Variants in SBNO2 observed in about 807,000 individuals in gnomAD.
The protein encoded by SBNO2 is protein strawberry notch homolog 2.
A neutral mutation model predicts 146.3 loss-of-function variants in SBNO2; 89 were observed. The observed-to-expected ratio is 0.61, with a 90% CI of 0.51 to 0.73. SBNO2 has a LOEUF of 0.73. Ranked by LOEUF, SBNO2 falls within the 30% of genes least tolerant of loss-of-function variation. The probability of loss-of-function intolerance (pLI) is 0.00; values close to 1 mark genes in which losing one functional copy is unlikely to be tolerated. For synonymous variants in SBNO2, 1,147 were observed against 892.6 expected, an observed-to-expected ratio of 1.29 and a Z score of -5.08; for missense variants, 2,092 against 2,003.7, an observed-to-expected ratio of 1.04 and a Z score of -0.84.
At position 1,151,225 on chromosome 19, in the gene SBNO2, TC is replaced by T. The variant is rs1279144840; in HGVS notation, c.94-1784del. 3.3e-5 allele frequency among the ~76,000 whole-genome samples: 5 copies of T among 151,974 alleles called. No homozygotes were observed. The East Asian group carries it at 9.7e-4, about 29-fold the overall frequency. On this transcript the variant is annotated intron_variant, in intron 2 of 31. Coordinates refer to ENST00000361757, the MANE Select transcript of SBNO2 (RefSeq NM_014963.3). ...CCCAGCCTCCTCAGATGAGCTGGAGTCCGTCTCAGGCACACACGGCGCCTTG... is the reference window on the plus strand; with the variant it reads ...CCCAGCCTCCTCAGATGAGCTGGAGTCGTCTCAGGCACACACGGCGCCTTG...
intron 4 of SBNO2, among the ~76,000 whole-genome samples, chr19:1,142,155 A>ACCCTCACTCAATGACCTCCC (rs1568608854): frequency 1.5e-4 from 9 of 61,630 alleles, no homozygotes; most frequent in African/African-American, 6.5e-4. Flanking sequence ...CCCACGATCA[A>ACCCTCACTCAATGACCTCCC]TCCTCACTCA....
rs894834579 is a variant in SBNO2 at position 1,150,632 on chromosome 19, G to A, written c.94-1190C>T. ...TTATCCCAGCAGGACTGGGGGCCAC[G>A]CTGGCTTCCAGAACAGGGTTGGGGG... is the stretch of plus-strand genomic sequence containing the variant. On this transcript the variant is annotated intron_variant, in intron 2 of 31. Coordinates refer to ENST00000361757, the MANE Select transcript of SBNO2 (RefSeq NM_014963.3). The surrounding 1 kb of genome is among the most constrained non-coding windows in gnomAD (Gnocchi z 6.2). 7.9e-5 allele frequency among the ~76,000 whole-genome samples: 12 copies of A among 152,174 alleles called. No homozygotes were observed. The highest frequency in any genetic ancestry group is 2.2e-4 in the African/African-American group (9 of 41,530).
intron 4 of SBNO2, 32 bp downstream of exon 4, chr19:1,147,277 C>T (rs770417955): frequency 6.2e-6 from 9 of 1,450,042 alleles, no homozygotes; most frequent in Admixed American, 3.7e-5. Context: ...CACCCTGCCC[C>T]CCACGGCGCG....
chr19:1,133,216 GC>G (rs1262204564), intron 4 of SBNO2, among the ~76,000 whole-genome samples: 1 of 150,882 alleles, frequency 6.6e-6, no homozygotes, highest in Non-Finnish European at 1.5e-5. Flanking sequence ...AGGCCGCATT[GC>G]CCACGAGACC....
intron 19 of SBNO2, 127 bp downstream of exon 19, chr19:1,113,408 C>T (rs1361366319): frequency 2.2e-6 from 2 of 904,180 alleles, no homozygotes; most frequent in Non-Finnish European, 3.2e-6. Flanking sequence ...CAAACGCCCC[C>T]TCCTCGCAGG....
intron 4 of SBNO2, among the ~76,000 whole-genome samples, chr19:1,134,745 C>CTTT (rs534191963): frequency 5.3e-5 from 8 of 152,090 alleles, no homozygotes; most frequent in Non-Finnish European, 1.0e-4. Context: ...TGTGAATATA[C>CTTT]TTTTTTAAAG....
chr19:1,114,433 G>C lies in SBNO2; in HGVS notation c.1886-11C>G, dbSNP rs1276133669. 7.9e-6 allele frequency: 12 copies of C among 1,512,576 alleles called. No homozygotes were observed. Among genetic ancestry groups the C allele is most frequent in the African/African-American group, 2.8e-5 (2 of 72,208 alleles). 93.7% of individuals were successfully genotyped at this position (1,512,576 alleles called of 1,614,324 possible). A position where few individuals can be genotyped will look rare whatever the true frequency, so the allele number is the denominator to read the frequency against. ...GTCCCCGAGGTCGCCCTGCAGGGAA[G>C]GACAGGGTCACCGAGGGCCAGACCG... On this transcript the variant is annotated splice_polypyrimidine_tract_variant and intron_variant, in intron 17 of 31. Coordinates refer to ENST00000361757, the MANE Select transcript of SBNO2 (RefSeq NM_014963.3).
chr19:1,151,432 C>T (rs12610544), intron 2 of SBNO2, among the ~76,000 whole-genome samples: 24,314 of 152,210 alleles, frequency 0.16, 2,501 homozygotes, highest in South Asian at 0.26. Context: ...TCCCCCTAGT[C>T]TCCTCCCTCC....
At chr19:1,170,328 C>CG (rs2080465591) in intron 1 of SBNO2, among the ~76,000 whole-genome samples, 1 of 152,174 alleles carries the variant, frequency 6.6e-6, no homozygotes, top group African/African-American at 2.4e-5. Flanking sequence ...AAGGTGACCA[C>CG]GGGGCTGGCA....
Position 1,119,164 on chromosome 19 carries a change from C to A in SBNO2, c.1374G>T (p.Arg458Ser). Residue 458 changes from arginine to serine, a missense_variant and splice_region_variant, in exon 14 of 32, where the codon AGG (arginine) becomes AGT (serine). Arg to Ser is a moderately radical substitution (Grantham distance 110). Coordinates refer to ENST00000361757, the MANE Select transcript of SBNO2 (RefSeq NM_014963.3). Reference sequence around the variant, plus strand: ...CCACGATCTCCATGGCGCCAACGCCCCTGCGGATGGACACAGCCCCCGTGA... The same window carrying A: ...CCACGATCTCCATGGCGCCAACGCCACTGCGGATGGACACAGCCCCCGTGA... ...FEEFLHAIEK[R>S]GVGAMEIVAM... 1 of 1,594,596 alleles carries A rather than the reference C, an allele frequency of 6.3e-7. No individual in the cohort carries two copies. The highest frequency in any genetic ancestry group is 2.3e-5 in the East Asian group (1 of 44,084).
At chr19:1,141,085 TCCGGAGAAGACGCGCC>T (rs1568607314) in intron 4 of SBNO2, among the ~76,000 whole-genome samples, 1 of 135,528 alleles carries the variant, frequency 7.4e-6, no homozygotes, top group South Asian at 2.5e-4. Flanking sequence ...GAAGAGGCAC[TCCGGAGAAGACGCGCC>T]CCGGAGAACA....
At chr19:1,120,125 C>T (rs1028714015) in intron 11 of SBNO2, 102 bp from the exon 12 acceptor site, 7 of 906,404 alleles carry the variant, frequency 7.7e-6, no homozygotes, top group Admixed American at 2.4e-5. Context: ...GGGGGGCAAA[C>T]GCCTGTGCGG....
chr19:1,132,392 G>A, intron 4 of SBNO2: 1 of 688,472 alleles, frequency 1.5e-6, no homozygotes, highest in African/African-American at 1.9e-5. Context: ...TTACTGTACG[G>A]GGCGGATCTC....
intron 3 of SBNO2, among the ~76,000 whole-genome samples, chr19:1,147,838 G>A (rs1250784389): frequency 6.6e-6 from 1 of 152,006 alleles, no homozygotes; most frequent in African/African-American, 2.4e-5. Context: ...GAGCGCTACG[G>A]GCAGAAACCC....
At chr19:1,145,292 C>T (rs2080178971) in intron 4 of SBNO2, among the ~76,000 whole-genome samples, 1 of 147,452 alleles carries the variant, frequency 6.8e-6, no homozygotes, top group Admixed American at 6.7e-5. Flanking sequence ...CATGGAGAAA[C>T]CCTGTCTCTA....
chr19:1,109,571 C>T lies in SBNO2; in HGVS notation c.3151G>A (p.Glu1051Lys). ...GCCAGCGACTTGGCAAAGGCGTCCT[C>T]CCACTTCAGGCCGCGGTCCACGCTG... ...KISVDRGLKW[E>K]DAFAKSLALT... The change falls in exon 28 of 32, where the codon GAG (glutamate) becomes AAG (lysine). Residue 1051 changes from glutamate (E) to lysine (K), a missense_variant. Glu to Lys is a moderately conservative substitution (Grantham distance 56). Coordinates refer to ENST00000361757, the MANE Select transcript of SBNO2 (RefSeq NM_014963.3). The surrounding 1 kb of genome is among the most constrained non-coding windows in gnomAD (Gnocchi z 4.2). 6.3e-7 allele frequency: 1 copy of T among 1,598,004 alleles called. No homozygotes were observed. The highest frequency in any genetic ancestry group is 8.5e-7 in the Non-Finnish European group (1 of 1,173,714).
intron 1 of SBNO2, among the ~76,000 whole-genome samples, chr19:1,164,409 A>G (rs2080382035): frequency 1.0e-5 from 1 of 96,390 alleles, no homozygotes; most frequent in Non-Finnish European, 2.1e-5. Flanking sequence ...GAGGAGGAGG[A>G]GGAGGAGGAA....
At chr19:1,147,184 G>T (rs1252284530) in intron 4 of SBNO2, 125 bp downstream of exon 4, 4 of 646,078 alleles carry the variant, frequency 6.2e-6, no homozygotes, top group Middle Eastern at 4.0e-4. Context: ...CCCTGCGGCC[G>T]AGGGGCCAAG....
rs2080500427 is a variant in SBNO2 at position 1,173,453 on chromosome 19, C to T, written c.-127+719G>A. 6.6e-6 allele frequency among the ~76,000 whole-genome samples: 1 copy of T among 152,164 alleles called. No homozygotes were observed. Among genetic ancestry groups the T allele is most frequent in the Admixed American group, 6.5e-5 (1 of 15,284 alleles). On this transcript the variant is annotated intron_variant, in intron 1 of 31. Coordinates refer to ENST00000361757, the MANE Select transcript of SBNO2 (RefSeq NM_014963.3). This position sits in a 1 kb window ranked among gnomAD's most constrained non-coding sequence, Gnocchi z 4.7. ...AACCGGGGGACCTCCATGCAGAAACCGAAAAACCATCTGCCCCAGAAGAGA... is the reference window on the plus strand; with the variant it reads ...AACCGGGGGACCTCCATGCAGAAACTGAAAAACCATCTGCCCCAGAAGAGA...
Sources: gnomAD v4.1 joint callset for allele counts (sites outside exome capture counted in the v4.1 genomes callset) on GRCh38, gnomAD v4.1.1 for gene constraint, Gnocchi (gnomAD v3.1) non-coding constraint, MANE v1.5 for transcripts, NCBI Gene and HGNC (gene_info 2026-07-23, HGNC 2026-07-21) for gene names.